Variants in PTPN1 observed in about 807,000 individuals in gnomAD.
PTPN1 encodes tyrosine-protein phosphatase non-receptor type 1.
Under a neutral mutation model 59.9 loss-of-function variants are expected in PTPN1, and 12 were observed. That is an observed-to-expected ratio of 0.20 (90% CI 0.13 to 0.32). The LOEUF (loss-of-function observed/expected upper bound fraction) is 0.32. PTPN1 is among the 10% of genes least tolerant of loss of function. The pLI is 1.00. For missense variants in PTPN1, 356 were observed against 549.2 expected (o/e 0.65, Z 3.52); for synonymous variants, 178 against 203.6 (o/e 0.87, Z 1.07).
At chr20:50,580,924 A>C (rs930936056) in intron 8 of PTPN1, among the ~76,000 whole-genome samples, 8 of 152,360 alleles carry the variant, frequency 5.3e-5, no homozygotes, top group Middle Eastern at 3.4e-3. Flanking sequence ...ATTGCAGTAC[A>C]TGAGAAGGCA....
chr20:50,543,885 A>T (rs1271656760), intron 1 of PTPN1, among the ~76,000 whole-genome samples: 1 of 152,134 alleles, frequency 6.6e-6, no homozygotes, highest in African/African-American at 2.4e-5. Context: ...TCACTCTGTC[A>T]CCCAGGCTGG....
chr20:50,568,235 G>A lies in PTPN1; in HGVS notation c.256-145G>A. On this transcript the variant is annotated intron_variant, in intron 3 of 9. Transcript: ENST00000371621. The surrounding 1 kb of genome is among the most constrained non-coding windows in gnomAD (Gnocchi z 5.6). ...GTTACTGACCACCAGGCAGAGAGAG[G>A]TGGGTCCCTGTCCCAGCCTCAGCCA... The A allele has an allele frequency of 1.5e-6, 1 of 660,086 alleles. No homozygotes were observed. The highest frequency in any genetic ancestry group is 2.8e-5 in the East Asian group (1 of 35,952). The allele number at this position is 660,086 out of a possible 1,614,324, so 40.9% of individuals were successfully genotyped here.
At chr20:50,557,551 T>C (rs2122772082) in intron 1 of PTPN1, 1 of 152,368 alleles carries the variant, frequency 6.6e-6, no homozygotes, top group African/African-American at 2.4e-5. Context: ...TCAGTACTCA[T>C]TGTTTACATT....
intron 8 of PTPN1, 58 bp downstream of exon 8, chr20:50,579,984 A>T (rs543541802): frequency 6.7e-7 from 1 of 1,487,398 alleles, no homozygotes; most frequent in South Asian, 1.1e-5. Context: ...CTGTTCTAGA[A>T]ACACACGCTG....
intron 5 of PTPN1, among the ~76,000 whole-genome samples, chr20:50,575,361 C>T (rs2122798001): frequency 6.6e-6 from 1 of 152,314 alleles, no homozygotes; most frequent in Admixed American, 6.5e-5. Flanking sequence ...CCTGGCCCCA[C>T]CTTACTAGCT....
intron 3 of PTPN1, among the ~76,000 whole-genome samples, chr20:50,567,785 T>C (rs1362824937): frequency 6.6e-6 from 1 of 152,224 alleles, no homozygotes; most frequent in Non-Finnish European, 1.5e-5. Context: ...TCCTCATTGC[T>C]GATGGTAGGA....
At chr20:50,569,562 TTGTC>T (rs1278038653) in intron 4 of PTPN1, among the ~76,000 whole-genome samples, 1 of 151,474 alleles carries the variant, frequency 6.6e-6, no homozygotes, top group Non-Finnish European at 1.5e-5. Flanking sequence ...CCTGTGTAGA[TTGTC>T]TGTGTAGACT....
chr20:50,583,288 CA>C lies in PTPN1; in HGVS notation c.*574del, dbSNP rs2122812115. ...AGGCTTTGCCATGGGCCTGCTGCGT[CA>C]GACCAGTACTGGGAAGGAGGACGGT... On this transcript the variant is annotated 3_prime_UTR_variant, in exon 10 of 10. Transcript: ENST00000371621. 1 of 154,738 alleles carries C rather than the reference CA, an allele frequency of 6.5e-6. No homozygotes were observed. The highest frequency in any genetic ancestry group is 2.4e-5 in the African/African-American group (1 of 41,616). 9.6% of individuals were successfully genotyped at this position (154,738 alleles called of 1,614,324 possible).
intron 1 of PTPN1, among the ~76,000 whole-genome samples, chr20:50,538,224 TA>T (rs5841805): frequency 0.014 from 2,053 of 145,318 alleles, 37 homozygotes; most frequent in African/African-American, 0.043. Flanking sequence ...TGTAAAAAGT[TA>T]AAAAAAAAAA....
intron 1 of PTPN1, among the ~76,000 whole-genome samples, chr20:50,543,571 A>G (rs930789611): frequency 1.3e-5 from 2 of 152,214 alleles, no homozygotes; most frequent in Non-Finnish European, 2.9e-5. Context: ...GAAATACACA[A>G]ACACAAAGAA....
Position 50,582,757 on chromosome 20 carries a change from T to C in PTPN1, c.*42T>C. ...TCCACCTCCACCCACTGTCCGCCTCTGCCCGCAGAGCCCACGCCCGACTAG... is the reference window on the plus strand; with the variant it reads ...TCCACCTCCACCCACTGTCCGCCTCCGCCCGCAGAGCCCACGCCCGACTAG... On this transcript the variant is annotated 3_prime_UTR_variant, in exon 10 of 10. Coordinates refer to ENST00000371621, the MANE Select transcript of PTPN1 (RefSeq NM_002827.4). This position sits in a 1 kb window ranked among gnomAD's most constrained non-coding sequence, Gnocchi z 4.2. 1 of 1,611,968 alleles carries C rather than the reference T, an allele frequency of 6.2e-7. No homozygotes were observed. Among genetic ancestry groups the C allele is most frequent in the Non-Finnish European group, 8.5e-7 (1 of 1,178,972 alleles).
Position 50,537,237 on chromosome 20 carries a change from C to T in PTPN1, c.64-24126C>T, listed in dbSNP as rs571974377. Among the ~76,000 whole-genome samples, 181 of 152,226 alleles carry T rather than the reference C, an allele frequency of 1.2e-3. 1 individual carries two copies. The highest frequency in any genetic ancestry group is 3.7e-3 in the Admixed American group (56 of 15,286). On this transcript the variant is annotated intron_variant, in intron 1 of 9. Transcript: ENST00000371621. ...AGTTGGGAGGCTGAGGCAGGAGAAT[C>T]GTTTGAACTCCGGAGGCAGAGGTTG...
intron 1 of PTPN1, among the ~76,000 whole-genome samples, chr20:50,552,842 C>T (rs2082708947): frequency 1.3e-5 from 2 of 152,070 alleles, no homozygotes; most frequent in African/African-American, 4.8e-5. Context: ...GCCGTGCGTC[C>T]TCCTACCTGG....
At chr20:50,510,694 C>A in intron 1 of PTPN1, 104 bp downstream of exon 1, 1 of 1,200,428 alleles carries the variant, frequency 8.3e-7, no homozygotes, top group Non-Finnish European at 1.1e-6. Flanking sequence ...CCCTCTGCCT[C>A]GCTCCTACTG....
At chr20:50,541,441 T>C (rs2082651816) in intron 1 of PTPN1, among the ~76,000 whole-genome samples, 1 of 152,144 alleles carries the variant, frequency 6.6e-6, no homozygotes, top group South Asian at 2.1e-4. Flanking sequence ...GACCTACGAG[T>C]GTCGGCTCCT....
At chr20:50,558,563 T>G (rs1350694952) in intron 1 of PTPN1, among the ~76,000 whole-genome samples, 1 of 152,216 alleles carries the variant, frequency 6.6e-6, no homozygotes, top group Admixed American at 6.5e-5. Flanking sequence ...CTTGGAGACA[T>G]CCTACTTGAA....
chr20:50,576,587 G>A (rs754995726), intron 5 of PTPN1, among the ~76,000 whole-genome samples: 15 of 152,022 alleles, frequency 9.9e-5, no homozygotes, highest in South Asian at 2.1e-4. Context: ...ACATTTTAAC[G>A]GCCGGGCACG....
chr20:50,574,784 G>A, intron 5 of PTPN1, 130 bp downstream of exon 5: 2 of 1,240,494 alleles, frequency 1.6e-6, no homozygotes, highest in East Asian at 2.6e-5. Flanking sequence ...ATGTGGTTTG[G>A]GCACTGTGGT....
At chr20:50,532,360 G>A (rs1458544488) in intron 1 of PTPN1, among the ~76,000 whole-genome samples, 4 of 152,148 alleles carry the variant, frequency 2.6e-5, no homozygotes. Flanking sequence ...TCTTCTTTGG[G>A]TCGGTTCAGC....
Sources: allele counts gnomAD v4.1 joint callset (sites outside exome capture counted in the v4.1 genomes callset), GRCh38; gene constraint gnomAD v4.1.1; non-coding constraint Gnocchi (gnomAD v3.1); transcripts MANE v1.5; gene names NCBI Gene and HGNC (gene_info 2026-07-23, HGNC 2026-07-21).